SMYD3: variants seen among roughly 807,000 people sequenced by gnomAD.
SMYD3 encodes the protein histone-lysine N-methyltransferase SMYD3.
Under a neutral mutation model 57.7 loss-of-function variants are expected in SMYD3, and 36 were observed. The ratio of observed to expected loss-of-function variants is 0.62; its 90% CI spans 0.48 to 0.82. The LOEUF (loss-of-function observed/expected upper bound fraction) is 0.82, where lower values mean the gene tolerates loss of function less well. Among genes scored for constraint, SMYD3 ranks in the 40% least tolerant of loss-of-function variants. The pLI, the probability that SMYD3 is intolerant of heterozygous loss-of-function variation, is 0.00. For missense variants in SMYD3, 515 were observed against 538.8 expected (o/e 0.96, Z 0.44); for synonymous variants, 211 against 195.0 (o/e 1.08, Z -0.68).
At chr1:245,992,315 A>G (rs1341636526) in intron 5 of SMYD3, among the ~76,000 whole-genome samples, 3 of 152,112 alleles carry the variant, frequency 2.0e-5, no homozygotes, top group Non-Finnish European at 2.9e-5. Context: ...CATTTCTATC[A>G]TATTCTATTG....
At chr1:245,920,075 A>G (rs2055758693) in intron 7 of SMYD3, among the ~76,000 whole-genome samples, 1 of 151,828 alleles carries the variant, frequency 6.6e-6, no homozygotes, top group African/African-American at 2.4e-5. Context: ...GCACTTTGGG[A>G]GGCCAAGGCG....
intron 3 of SMYD3, among the ~76,000 whole-genome samples, chr1:246,330,750 C>T (rs2148666196): frequency 6.6e-6 from 1 of 152,240 alleles, no homozygotes; most frequent in African/African-American, 2.4e-5. Context: ...GTTTAATCTC[C>T]AAATGCAAAA....
At chr1:245,950,489 T>G (rs1053008920) in intron 5 of SMYD3, among the ~76,000 whole-genome samples, 5 of 152,212 alleles carry the variant, frequency 3.3e-5, no homozygotes, top group Admixed American at 2.0e-4. Flanking sequence ...GCCCTGAACG[T>G]CTGACCACCC....
rs113188281 is a variant in SMYD3, at chr1:245,896,706, G to A, written c.813+18824C>T. On this transcript the variant is annotated intron_variant, in intron 8 of 11. Coordinates refer to ENST00000490107, the MANE Select transcript of SMYD3 (RefSeq NM_001167740.2). ...TTACAGGAAGCTGTGGGCCTGAAGGGGCCAAACAGAGCCATGCTCTCTTGT... is the reference window on the plus strand; with the variant it reads ...TTACAGGAAGCTGTGGGCCTGAAGGAGCCAAACAGAGCCATGCTCTCTTGT... Among the ~76,000 whole-genome samples the A allele has an allele frequency of 3.7e-3, 568 of 152,280 alleles. 2 individuals are homozygous for A. Among genetic ancestry groups the A allele is most frequent in the African/African-American group, 0.013 (547 of 41,554 alleles).
chr1:245,790,181 G>A (rs2047209040), intron 10 of SMYD3, among the ~76,000 whole-genome samples: 1 of 152,208 alleles, frequency 6.6e-6, no homozygotes, highest in Non-Finnish European at 1.5e-5. Context: ...CACTTTCATT[G>A]GGGGCTGGTA....
At chr1:245,798,119 C>T (rs184005404) in intron 10 of SMYD3, among the ~76,000 whole-genome samples, 17 of 151,838 alleles carry the variant, frequency 1.1e-4, no homozygotes, top group Admixed American at 5.9e-4. Context: ...CAACTCTTGG[C>T]TATTACTGGC....
At chr1:246,423,080 T>C (rs887568117) in intron 1 of SMYD3, among the ~76,000 whole-genome samples, 3 of 152,040 alleles carry the variant, frequency 2.0e-5, no homozygotes, top group African/African-American at 4.8e-5. Flanking sequence ...AGGCGGATCA[T>C]GAGGTCAGGA....
intron 10 of SMYD3, among the ~76,000 whole-genome samples, chr1:245,852,694 ACCT>A (rs1399062887): frequency 6.6e-6 from 1 of 151,048 alleles, no homozygotes; most frequent in Non-Finnish European, 1.5e-5. Flanking sequence ...CCCCTCTTTC[ACCT>A]CCTTTTTCAT....
At chr1:245,981,897 T>A (rs756852490) in intron 5 of SMYD3, among the ~76,000 whole-genome samples, 46 of 152,372 alleles carry the variant, frequency 3.0e-4, no homozygotes, top group Middle Eastern at 6.8e-3. Context: ...GTTGCTTCCA[T>A]GCATCAGGTC....
rs116255812 is a variant in SMYD3, at chr1:246,150,182, T to C, written c.531+177019A>G. Among the ~76,000 whole-genome samples the C allele has an allele frequency of 1.6e-3, 240 of 152,372 alleles. 1 individual carries two copies. The highest frequency in any genetic ancestry group is 5.3e-3 in the African/African-American group (222 of 41,590). ...AATAACAGAATCTTCTTTCCCAATT[T>C]CAATGTTCACAGAAATGTTACTCAA... On this transcript the variant is annotated intron_variant, in intron 5 of 11. Transcript: ENST00000490107.
intron 5 of SMYD3, among the ~76,000 whole-genome samples, chr1:246,283,926 G>C (rs550039278): frequency 6.6e-6 from 1 of 152,076 alleles, no homozygotes; most frequent in African/African-American, 2.4e-5. Flanking sequence ...ATAACAAAAG[G>C]AAGTCAAGCA....
chr1:246,135,641 C>T (rs2061655112), intron 5 of SMYD3, among the ~76,000 whole-genome samples: 1 of 152,042 alleles, frequency 6.6e-6, no homozygotes, highest in African/African-American at 2.4e-5. Flanking sequence ...GTCTCAGACA[C>T]ACACACACAC....
intron 1 of SMYD3, among the ~76,000 whole-genome samples, chr1:246,495,962 C>CG (rs2068353568): frequency 9.2e-6 from 1 of 108,966 alleles, no homozygotes; most frequent in Non-Finnish European, 2.0e-5. Context: ...GACTTCACCT[C>CG]AAAAAATAAT....
At position 246,185,211 on chromosome 1, in the gene SMYD3, GAA is replaced by G. The variant is rs1434015276; in HGVS notation, c.531+141988_531+141989del. Among the ~76,000 whole-genome samples, 3 of 152,202 alleles carry G rather than the reference GAA, an allele frequency of 2.0e-5. No individual in the cohort carries two copies. The East Asian group carries it at 5.8e-4, about 29-fold the overall frequency. On this transcript the variant is annotated intron_variant, in intron 5 of 11. Coordinates refer to ENST00000490107, the MANE Select transcript of SMYD3 (RefSeq NM_001167740.2). ...GCTCACCCTTCCTTTACTCACTACT[GAA>G]AACTGTCAATAGCAATTCAAGTAAT...
At chr1:246,285,969 AC>A (rs2064553373) in intron 5 of SMYD3, among the ~76,000 whole-genome samples, 1 of 152,198 alleles carries the variant, frequency 6.6e-6, no homozygotes, top group African/African-American at 2.4e-5. Flanking sequence ...AATGGCCATA[AC>A]CAAAAAAATT....
At chr1:246,090,762 C>G (rs181680965) in intron 5 of SMYD3, among the ~76,000 whole-genome samples, 1 of 152,040 alleles carries the variant, frequency 6.6e-6, no homozygotes, top group Non-Finnish European at 1.5e-5. Flanking sequence ...AGGATACACC[C>G]GCCCTCCGCC....
Position 246,269,849 on chromosome 1 carries a change from G to A in SMYD3, c.531+57352C>T, listed in dbSNP as rs189442252. On this transcript the variant is annotated intron_variant, in intron 5 of 11. Transcript: ENST00000490107. The stretch of plus-strand genomic sequence containing the variant: ...CAGCCTCCCAAAGTGCTGGGATTCC[G>A]GGCGTGTACCACCACACCCAGCGGT... 1.9e-3 allele frequency among the ~76,000 whole-genome samples: 286 copies of A among 152,134 alleles called. 3 individuals are homozygous for A. The highest frequency in any genetic ancestry group is 6.5e-3 in the African/African-American group (268 of 41,502).
intron 5 of SMYD3, among the ~76,000 whole-genome samples, chr1:246,290,412 T>C (rs1158190921): frequency 6.6e-6 from 1 of 152,214 alleles, no homozygotes; most frequent in Non-Finnish European, 1.5e-5. Context: ...ATGGTTAATT[T>C]CTTAAATTAT....
chr1:246,311,803 C>G (rs1057298159), intron 5 of SMYD3, among the ~76,000 whole-genome samples: 1 of 152,188 alleles, frequency 6.6e-6, no homozygotes, highest in African/African-American at 2.4e-5. Context: ...AATTCCCTAT[C>G]TAGAAAAATA....
Sources: gnomAD v4.1 joint callset for allele counts (sites outside exome capture counted in the v4.1 genomes callset) on GRCh38, gnomAD v4.1.1 for gene constraint, MANE v1.5 for transcripts, NCBI Gene and HGNC (gene_info 2026-07-23, HGNC 2026-07-21) for gene names.